HIF3A: variants seen among roughly 807,000 people sequenced by gnomAD.
HIF3A encodes hypoxia inducible factor 3 subunit alpha.
In HIF3A, 41 loss-of-function variants were observed where a neutral mutation model predicts 67.2. That is an observed-to-expected ratio of 0.61 (90% CI 0.48 to 0.79). The LOEUF (loss-of-function observed/expected upper bound fraction) is 0.79. Among genes scored for constraint, HIF3A ranks in the 30% least tolerant of loss-of-function variants. The pLI, the probability that HIF3A is intolerant of heterozygous loss-of-function variation, is 0.00. For missense variants in HIF3A, 855 were observed against 898.0 expected, an observed-to-expected ratio of 0.95 and a Z score of 0.61; for synonymous variants, 356 against 374.8, an observed-to-expected ratio of 0.95 and a Z score of 0.58.
intron 6 of HIF3A, among the ~76,000 whole-genome samples, chr19:46,310,244 A>G (rs896486694): frequency 6.6e-6 from 1 of 151,862 alleles, no homozygotes; most frequent in Non-Finnish European, 1.5e-5. Flanking sequence ...AAAAAAGAAA[A>G]AATTTGTCAG....
intron 11 of HIF3A, among the ~76,000 whole-genome samples, chr19:46,326,891 C>T (rs181264987): frequency 4.6e-5 from 7 of 152,224 alleles, no homozygotes; most frequent in Admixed American, 2.6e-4. Context: ...TGGTGGCTCA[C>T]GCCTGTAATC....
chr19:46,325,752 G>A lies in HIF3A; in HGVS notation c.1440+113G>A. The A allele has an allele frequency of 4.3e-6, 3 of 702,582 alleles. No homozygotes were observed. The South Asian group carries it at 4.9e-5, about 11-fold the overall frequency. 43.5% of individuals were successfully genotyped at this position (702,582 alleles called of 1,614,324 possible). On this transcript the variant is annotated intron_variant, in intron 11 of 14. Transcript: ENST00000377670. The stretch of plus-strand genomic sequence containing the variant: ...TAAAGGAATGAATGGATGGATGGAT[G>A]GACCATTGTATTCATTAGGTGGATG...
intron 13 of HIF3A, 40 bp downstream of exon 13, chr19:46,331,313 C>A: frequency 1.3e-6 from 2 of 1,515,194 alleles, no homozygotes; most frequent in Non-Finnish European, 1.8e-6. Context: ...GCCCTCATTA[C>A]CTAGCTGGCT....
chr19:46,307,734 C>A lies in HIF3A; in HGVS notation c.364-487C>A, dbSNP rs2005874. Among the ~76,000 whole-genome samples, 597 of 148,118 alleles carry A rather than the reference C, an allele frequency of 4.0e-3. 2 individuals are homozygous for A. The highest frequency in any genetic ancestry group is 0.014 in the African/African-American group (574 of 40,032). ...CTACACTCCAGCCTGGGCAACAGAGCGAGACTCCATCTCAAAAAAAAAAAA... is the reference window on the plus strand; with the variant it reads ...CTACACTCCAGCCTGGGCAACAGAGAGAGACTCCATCTCAAAAAAAAAAAA... On this transcript the variant is annotated intron_variant, in intron 3 of 14. Coordinates refer to ENST00000377670, the MANE Select transcript of HIF3A (RefSeq NM_152795.4).
At chr19:46,300,682 CAGCTTGTAAGTAGTGG>C (rs1488054718) in intron 1 of HIF3A, among the ~76,000 whole-genome samples, 1 of 152,132 alleles carries the variant, frequency 6.6e-6, no homozygotes, top group Non-Finnish European at 1.5e-5. Context: ...AGCAGTCACA[CAGCTTGTAAGTAGTGG>C]AGCTTGTAAG....
rs1568556904 is a variant in HIF3A, at chr19:46,341,673, CT to C, written c.*2052del. The C allele has an allele frequency of 6.8e-6, 1 of 146,306 alleles. No homozygotes were observed. The highest frequency in any genetic ancestry group is 2.6e-5 in the African/African-American group (1 of 39,084). The allele number at this position is 146,306 out of a possible 1,614,324, so 9.1% of individuals were successfully genotyped here. On this transcript the variant is annotated 3_prime_UTR_variant, in exon 15 of 15. Coordinates refer to ENST00000377670, the MANE Select transcript of HIF3A (RefSeq NM_152795.4). ...TTTTTTCTTTTTTGAGATGGAGTCT[CT>C]CTCTGTTGCCCAGGCTGGAGTATAA... is the stretch of plus-strand genomic sequence containing the variant.
intron 1 of HIF3A, among the ~76,000 whole-genome samples, chr19:46,300,406 A>T (rs1378427177): frequency 6.6e-6 from 1 of 152,186 alleles, no homozygotes; most frequent in Non-Finnish European, 1.5e-5. Flanking sequence ...CATGCCTGTA[A>T]TCCCAACATT....
At chr19:46,321,459 C>T (rs1766902412) in intron 9 of HIF3A, among the ~76,000 whole-genome samples, 1 of 152,140 alleles carries the variant, frequency 6.6e-6, no homozygotes, top group African/African-American at 2.4e-5. Flanking sequence ...TGGCGGGCAC[C>T]TGTAATCCCA....
At position 46,336,719 on chromosome 19, in the gene HIF3A, G is replaced by C. The variant is rs191415026; in HGVS notation, c.1912+1733G>C. On this transcript the variant is annotated intron_variant, in intron 14 of 14. Transcript: ENST00000377670. ...CTAAACAAACAGTCCAGGTGCAGTGGCTCATGCCTGGAATCCTAGCACTTT... is the reference window on the plus strand; with the variant it reads ...CTAAACAAACAGTCCAGGTGCAGTGCCTCATGCCTGGAATCCTAGCACTTT... 1.4e-4 allele frequency among the ~76,000 whole-genome samples: 21 copies of C among 152,276 alleles called. No homozygotes were observed. The East Asian group carries it at 4.1e-3, about 30-fold the overall frequency.
At chr19:46,324,321 C>T (rs1970601060) in intron 10 of HIF3A, among the ~76,000 whole-genome samples, 1 of 152,140 alleles carries the variant, frequency 6.6e-6, no homozygotes, top group Non-Finnish European at 1.5e-5. Flanking sequence ...CAGATCATAC[C>T]AGTTACTATC....
chr19:46,329,594 C>A (rs1210323366), intron 12 of HIF3A, 116 bp downstream of exon 12: 2 of 1,290,060 alleles, frequency 1.6e-6, no homozygotes, highest in Non-Finnish European at 2.0e-6. Flanking sequence ...CTGCTCCAGC[C>A]AGGCCCTCGG....
At chr19:46,307,573 C>A (rs1009103390) in intron 3 of HIF3A, among the ~76,000 whole-genome samples, 5 of 152,090 alleles carry the variant, frequency 3.3e-5, no homozygotes, top group Non-Finnish European at 7.4e-5. Flanking sequence ...CATGGTGAAA[C>A]CCCGTCTCTA....
At chr19:46,310,173 C>T (rs946182058) in intron 6 of HIF3A, among the ~76,000 whole-genome samples, 6 of 152,142 alleles carry the variant, frequency 3.9e-5, no homozygotes, top group South Asian at 2.1e-4. Context: ...TGCAGTGAGC[C>T]GAGATTGCAC....
At chr19:46,334,645 T>G (rs989584777) in intron 13 of HIF3A, among the ~76,000 whole-genome samples, 3 of 152,210 alleles carry the variant, frequency 2.0e-5, no homozygotes, top group African/African-American at 7.2e-5. Flanking sequence ...CCTCCTGGTC[T>G]CAAGGGATCC....
In HIF3A at chr19:46,297,216, G is replaced by A. The variant is rs536821713; in HGVS notation, c.26+114G>A. On this transcript the variant is annotated intron_variant, in intron 1 of 14. Coordinates refer to ENST00000377670, the MANE Select transcript of HIF3A (RefSeq NM_152795.4). This position sits in a 1 kb window ranked among gnomAD's most constrained non-coding sequence, Gnocchi z 4.5. Reference sequence around the variant, plus strand: ...CGCGGGTGCGAGCCAAGAACGCCCCGGGGCGCGCAGTTGGAGGCACATCCC... The same window carrying A: ...CGCGGGTGCGAGCCAAGAACGCCCCAGGGCGCGCAGTTGGAGGCACATCCC... 3,507 of 619,644 alleles carry A rather than the reference G, an allele frequency of 5.7e-3. 20 individuals are homozygous for A. Among genetic ancestry groups the A allele is most frequent in the Middle Eastern group, 7.6e-3 (19 of 2,502 alleles). 38.4% of individuals were successfully genotyped at this position (619,644 alleles called of 1,614,324 possible).
At chr19:46,338,333 G>A (rs1437624071) in intron 14 of HIF3A, 9 of 439,510 alleles carry the variant, frequency 2.0e-5, no homozygotes, top group Admixed American at 7.3e-5. Flanking sequence ...CCCACAAGTA[G>A]CTGGGACTGC....
At chr19:46,335,726 A>T (rs1971561534) in intron 14 of HIF3A, among the ~76,000 whole-genome samples, 2 of 151,974 alleles carry the variant, frequency 1.3e-5, no homozygotes, top group African/African-American at 4.8e-5. Context: ...ACACAGCGAG[A>T]CCCTGTCTCA....
intron 1 of HIF3A, among the ~76,000 whole-genome samples, chr19:46,300,296 G>A (rs920953286): frequency 6.6e-6 from 1 of 152,148 alleles, no homozygotes; most frequent in Non-Finnish European, 1.5e-5. Flanking sequence ...GTAATCCACA[G>A]GTTACTGTAA....
rs540372603 is a variant in HIF3A at position 46,330,424 on chromosome 19, A to G, written c.1713-732A>G. ...GACAGAAGGATTGATGGATGGGTCA[A>G]TGGATTGATGGGTGGCTGAAAGGAA... is the stretch of plus-strand genomic sequence containing the variant. On this transcript the variant is annotated intron_variant, in intron 12 of 14. Transcript: ENST00000377670. Among the ~76,000 whole-genome samples the G allele has an allele frequency of 1.2e-4, 18 of 152,120 alleles. No homozygotes were observed. The South Asian group carries it at 3.5e-3, about 30-fold the overall frequency.
Sources: allele counts gnomAD v4.1 joint callset (sites outside exome capture counted in the v4.1 genomes callset), GRCh38; gene constraint gnomAD v4.1.1; non-coding constraint Gnocchi (gnomAD v3.1); transcripts MANE v1.5; gene names NCBI Gene and HGNC (gene_info 2026-07-23, HGNC 2026-07-21).